SLFN11: variants seen among roughly 807,000 people sequenced by gnomAD.
SLFN11 encodes schlafen family member 11.
SLFN11 carries 43 observed loss-of-function variants against 53.4 expected under a neutral mutation model. The observed-to-expected ratio is 0.80, with a 90% CI of 0.63 to 1.04. The LOEUF is 1.04. SLFN11 is among the 50% of genes least tolerant of loss of function. The pLI is 0.00. For missense variants in SLFN11, 990 were observed against 1,079.1 expected, an observed-to-expected ratio of 0.92 and a Z score of 1.16; for synonymous variants, 389 against 394.7, an observed-to-expected ratio of 0.99 and a Z score of 0.17.
intron 3 of SLFN11, among the ~76,000 whole-genome samples, chr17:35,365,871 AG>A (rs1908894062): frequency 6.6e-6 from 1 of 151,222 alleles, no homozygotes; most frequent in Non-Finnish European, 1.5e-5. Flanking sequence ...AAAGGAGAAA[AG>A]CATAGTGAAT....
chr17:35,362,254 A>T (rs555346676), intron 4 of SLFN11, among the ~76,000 whole-genome samples: 1 of 152,238 alleles, frequency 6.6e-6, no homozygotes, highest in South Asian at 2.1e-4. Flanking sequence ...CACCACACAG[A>T]TACAATAGAT....
Position 35,352,085 on chromosome 17 carries a change from C to G in SLFN11, c.*271G>C, listed in dbSNP as rs1597693791. On this transcript the variant is annotated 3_prime_UTR_variant, in exon 7 of 7. Coordinates refer to ENST00000685675, the MANE Select transcript of SLFN11 (RefSeq NM_001376007.1). ...TGGCTTTTACCCAAAATGCAAGACA[C>G]AGATCGGCATTGTGCAGGACAGCTA... The G allele has an allele frequency of 7.2e-6, 3 of 417,832 alleles. No individual in the cohort carries two copies. The highest frequency in any genetic ancestry group is 1.3e-5 in the Non-Finnish European group (3 of 236,808). The allele number at this position is 417,832 out of a possible 1,614,324, so 25.9% of individuals were successfully genotyped here. A position where few individuals can be genotyped will look rare whatever the true frequency, so the allele number is the denominator to read the frequency against.
chr17:35,370,204 C>G (rs1379354636), intron 1 of SLFN11, among the ~76,000 whole-genome samples: 2 of 152,108 alleles, frequency 1.3e-5, no homozygotes, highest in Admixed American at 6.5e-5. Flanking sequence ...TGTGATACAT[C>G]ATATCAACAG....
At chr17:35,366,860 C>T (rs895293519) in intron 3 of SLFN11, 87 bp downstream of exon 3, 4 of 152,048 alleles carry the variant, frequency 2.6e-5, no homozygotes, top group African/African-American at 7.3e-5. Flanking sequence ...TCACTTGAGC[C>T]TAGGAGTTTG....
In SLFN11 at chr17:35,359,389, G is replaced by C. The variant is rs530340610; in HGVS notation, c.1198+854C>G. 1.2e-4 allele frequency among the ~76,000 whole-genome samples: 18 copies of C among 152,270 alleles called. 1 individual carries two copies. The East Asian group carries it at 3.5e-3, about 29-fold the overall frequency. Reference sequence around the variant, plus strand: ...AAAAAATGAAATTCTAATGGGGGCAGTCATTATCTATTAATTTAATGATCC... The same window carrying C: ...AAAAAATGAAATTCTAATGGGGGCACTCATTATCTATTAATTTAATGATCC... On this transcript the variant is annotated intron_variant, in intron 5 of 6. Coordinates refer to ENST00000685675, the MANE Select transcript of SLFN11 (RefSeq NM_001376007.1).
At position 35,353,348 on chromosome 17, in the gene SLFN11, C is replaced by T. The variant is rs1183244314; in HGVS notation, c.1910G>A (p.Arg637Lys). 1 of 1,613,000 alleles carries T rather than the reference C, an allele frequency of 6.2e-7. No homozygotes were observed. Among genetic ancestry groups the T allele is most frequent in the Non-Finnish European group, 8.5e-7 (1 of 1,179,716 alleles). The stretch of plus-strand genomic sequence containing the variant: ...TCCAACTGCTTACCTGATAAAGTTC[C>T]TCAGAGGCTGGTTTTCACAAACGTA... ...ILYVCENQPL[R>K]NFISDRNICR... Residue 637 changes from arginine (R) to lysine (K), a missense_variant, in exon 6 of 7, where the codon AGG becomes AAG. Transcript: ENST00000685675.
chr17:35,354,597 G>A (rs556348847), intron 5 of SLFN11, among the ~76,000 whole-genome samples: 1 of 152,258 alleles, frequency 6.6e-6, no homozygotes, highest in South Asian at 2.1e-4. Context: ...TCCTGGACTG[G>A]AAGATTCTTA....
intron 3 of SLFN11, 28 bp downstream of exon 3, chr17:35,366,919 A>T (rs1403433506): frequency 6.6e-6 from 1 of 152,032 alleles, no homozygotes; most frequent in Non-Finnish European, 1.5e-5. Context: ...AAAAAATACA[A>T]AAATTAGGCA....
intron 5 of SLFN11, among the ~76,000 whole-genome samples, chr17:35,355,490 C>T (rs1243103158): frequency 6.6e-6 from 1 of 152,124 alleles, no homozygotes; most frequent in African/African-American, 2.4e-5. Context: ...GTCTCTTGGA[C>T]ATCGGATCCT....
In SLFN11 at chr17:35,352,561, C is replaced by G; in HGVS notation, c.2501G>C (p.Arg834Thr). The G allele has an allele frequency of 6.2e-7, 1 of 1,614,210 alleles. No individual in the cohort carries two copies. The highest frequency in any genetic ancestry group is 1.3e-5 in the African/African-American group (1 of 75,048). Residue 834 changes from arginine (R) to threonine (T), a missense_variant, in exon 7 of 7, where the codon AGG becomes ACG. Coordinates refer to ENST00000685675, the MANE Select transcript of SLFN11 (RefSeq NM_001376007.1). Reference protein sequence around the residue: ...YELLKAMRKKRVVQLSDACDM... With the variant: ...YELLKAMRKKTVVQLSDACDM... Reference sequence around the variant, plus strand: ...ACATGCATCACTGAGCTGCACCACCCTTTTCTTCCTCATTGCTTTCAAGAG... The same window carrying G: ...ACATGCATCACTGAGCTGCACCACCGTTTTCTTCCTCATTGCTTTCAAGAG...
rs1364439950 is a variant in SLFN11 at position 35,352,664 on chromosome 17, A to G, written c.2398T>C (p.Phe800Leu). The stretch of plus-strand genomic sequence containing the variant: ...TCCTTTGGAGAATAGCCCCTATCAA[A>G]GAAGCGCCTGCACGTGTCTGCCACA... ...TCVADTCRRF[F>L]DRGYSPKDVA... Residue 800 changes from phenylalanine (F) to leucine (L), a missense_variant, in exon 7 of 7, where the codon TTT (phenylalanine) becomes CTT (leucine). Transcript: ENST00000685675. 6.2e-7 allele frequency: 1 copy of G among 1,614,232 alleles called. No individual in the cohort carries two copies.
intron 3 of SLFN11, among the ~76,000 whole-genome samples, chr17:35,364,048 G>A (rs536682572): frequency 1.7e-4 from 26 of 152,102 alleles, no homozygotes; most frequent in African/African-American, 6.0e-4. Context: ...TACTAAAGGG[G>A]TATCTAAACT....
At chr17:35,355,491 A>G (rs983916937) in intron 5 of SLFN11, among the ~76,000 whole-genome samples, 26 of 152,232 alleles carry the variant, frequency 1.7e-4, no homozygotes, top group African/African-American at 6.0e-4. Context: ...TCTCTTGGAC[A>G]TCGGATCCTC....
rs1419562662 is a variant in SLFN11 at position 35,363,717 on chromosome 17, TG to T, written c.90del (p.Asn30LysfsTer25). Reference protein sequence around the residue: ...NVGEVTLGEENRKKLQKIQRD... With the variant: ...NVGEVTLGEEXRKKLQKIQRD... ...CTCTGAATTTTCTGCAGCTTTTTTC[TG>T]TTTTCTTCTCCAAGAGTCACTTCTC... On this transcript the variant is annotated frameshift_variant, in exon 4 of 7. Transcript: ENST00000685675. LOFTEE classifies it high-confidence loss of function. 1 of 1,613,874 alleles carries T rather than the reference TG, an allele frequency of 6.2e-7. No individual in the cohort carries two copies. Among genetic ancestry groups the T allele is most frequent in the Non-Finnish European group, 8.5e-7 (1 of 1,179,974 alleles).
chr17:35,362,566 C>G (rs781524944), intron 4 of SLFN11, among the ~76,000 whole-genome samples, 173 bp downstream of exon 4: 25 of 152,064 alleles, frequency 1.6e-4, no homozygotes, highest in Admixed American at 7.2e-4. Context: ...AGTTAGGTTT[C>G]TAATCACCCA....
intron 5 of SLFN11, among the ~76,000 whole-genome samples, chr17:35,359,540 G>A (rs891777047): frequency 2.6e-5 from 4 of 152,074 alleles, no homozygotes; most frequent in Non-Finnish European, 5.9e-5. Flanking sequence ...AGACAGCAAT[G>A]GATTCCTAAG....
At chr17:35,373,079 A>G (rs1461829153) in intron 1 of SLFN11, among the ~76,000 whole-genome samples, 6 of 152,048 alleles carry the variant, frequency 3.9e-5, no homozygotes, top group East Asian at 1.9e-4. Context: ...TAAAATACCA[A>G]TAACTCTGAA....
chr17:35,351,958 T>G lies in SLFN11; in HGVS notation c.*398A>C. ...AGACCATGCTTCTGCAGAAAACGAT[T>G]CTGGACAAATTTTTAAAAGCAACAA... On this transcript the variant is annotated 3_prime_UTR_variant, in exon 7 of 7. Transcript: ENST00000685675. 1 of 186,254 alleles carries G rather than the reference T, an allele frequency of 5.4e-6. No individual in the cohort carries two copies. Among genetic ancestry groups the G allele is most frequent in the Non-Finnish European group, 1.1e-5 (1 of 89,470 alleles). The allele number at this position is 186,254 out of a possible 1,614,324, so 11.5% of individuals were successfully genotyped here.
At chr17:35,360,077 G>C (rs1427520293) in intron 5 of SLFN11, 166 bp downstream of exon 5, 1 of 639,992 alleles carries the variant, frequency 1.6e-6, no homozygotes, top group Non-Finnish European at 2.6e-6. Flanking sequence ...GGTCAGTAAG[G>C]GTTCATTTCT....
Sources: allele counts gnomAD v4.1 joint callset (sites outside exome capture counted in the v4.1 genomes callset), GRCh38; gene constraint gnomAD v4.1.1; transcripts MANE v1.5; gene names NCBI Gene and HGNC (gene_info 2026-07-23, HGNC 2026-07-21).